The following ARMH4 variants were observed in gnomAD, a reference collection of about 807,000 sequenced individuals.
The protein encoded by ARMH4 is armadillo like helical domain containing 4.
In ARMH4, 49 loss-of-function variants were observed where a neutral mutation model predicts 61.9. That is an observed-to-expected ratio of 0.79 (90% CI 0.63 to 1.00). The LOEUF (loss-of-function observed/expected upper bound fraction) is 1.00. Ranked by LOEUF, ARMH4 falls within the 50% of genes least tolerant of loss-of-function variation. The probability of loss-of-function intolerance (pLI) is 0.00; values close to 1 mark genes in which losing one functional copy is unlikely to be tolerated. For missense variants in ARMH4, 934 were observed against 930.0 expected (o/e 1.00, Z -0.06); for synonymous variants, 368 against 341.5 (o/e 1.08, Z -0.85).
rs1882094844 is a variant in ARMH4 at position 58,004,697 on chromosome 14, G to A, written c.*39C>T. On this transcript the variant is annotated 3_prime_UTR_variant, in exon 8 of 8. Coordinates refer to ENST00000267485, the MANE Select transcript of ARMH4 (RefSeq NM_001001872.4). ...CTGCTCCAAAATAAAAATTAGAATA[G>A]TAGCATCGTTGAATATCCCAATTAA... is the stretch of plus-strand genomic sequence containing the variant. 1 of 1,458,070 alleles carries A rather than the reference G, an allele frequency of 6.9e-7. No individual in the cohort carries two copies. Among genetic ancestry groups the A allele is most frequent in the Non-Finnish European group, 9.5e-7 (1 of 1,052,162 alleles). 90.3% of individuals were successfully genotyped at this position (1,458,070 alleles called of 1,614,324 possible).
chr14:58,049,020 G>A (rs747788542), intron 5 of ARMH4, among the ~76,000 whole-genome samples: 11 of 152,068 alleles, frequency 7.2e-5, no homozygotes, highest in African/African-American at 1.2e-4. Context: ...GGCGGATCAT[G>A]AGGTCAGGAG....
intron 6 of ARMH4, among the ~76,000 whole-genome samples, chr14:58,011,394 C>T (rs1022418275): frequency 1.9e-4 from 29 of 152,016 alleles, no homozygotes; most frequent in Non-Finnish European, 3.1e-4. Flanking sequence ...GAATTGAAGG[C>T]AACTCAATAT....
chr14:58,084,484 G>T (rs1356997255), intron 5 of ARMH4, among the ~76,000 whole-genome samples: 1 of 152,200 alleles, frequency 6.6e-6, no homozygotes, highest in African/African-American at 2.4e-5. Flanking sequence ...CCAGGTGGTA[G>T]TTCACCCAAT....
chr14:58,029,631 T>C (rs946610451), intron 5 of ARMH4, among the ~76,000 whole-genome samples: 1 of 151,852 alleles, frequency 6.6e-6, no homozygotes, highest in Non-Finnish European at 1.5e-5. Flanking sequence ...ATTAGGGAAA[T>C]GCAAATCAAA....
intron 5 of ARMH4, among the ~76,000 whole-genome samples, chr14:58,029,036 AC>A (rs528485010): frequency 7.5e-4 from 114 of 151,706 alleles, no homozygotes; most frequent in Admixed American, 3.5e-3. Flanking sequence ...TTTTATCAAC[AC>A]CCCCCCTCCA....
chr14:58,016,491 G>T (rs1472843625), intron 5 of ARMH4, among the ~76,000 whole-genome samples: 4 of 152,020 alleles, frequency 2.6e-5, no homozygotes, highest in Non-Finnish European at 5.9e-5. Flanking sequence ...TAGAATTATC[G>T]ATGATTTGTC....
chr14:58,017,024 G>A (rs1882638022), intron 5 of ARMH4, among the ~76,000 whole-genome samples: 1 of 152,152 alleles, frequency 6.6e-6, no homozygotes, highest in Admixed American at 6.5e-5. Flanking sequence ...AATTATAAAG[G>A]AAGAACTTTG....
At chr14:58,090,479 C>T (rs983891552) in intron 5 of ARMH4, among the ~76,000 whole-genome samples, 10 of 152,230 alleles carry the variant, frequency 6.6e-5, no homozygotes, top group East Asian at 5.8e-4. Flanking sequence ...ATCACATTCT[C>T]CTTGCCAACA....
At chr14:58,140,339 A>G (rs1887491869) in intron 1 of ARMH4, among the ~76,000 whole-genome samples, 1 of 148,396 alleles carries the variant, frequency 6.7e-6, no homozygotes, top group East Asian at 2.0e-4. Context: ...CCAGCACTTT[A>G]GGAGGCCGAG....
intron 5 of ARMH4, among the ~76,000 whole-genome samples, chr14:58,045,054 C>T (rs768216192): frequency 6.6e-5 from 10 of 152,146 alleles, no homozygotes; most frequent in South Asian, 4.1e-4. Context: ...GACAGTATGG[C>T]GATTCCTCAG....
intron 5 of ARMH4, among the ~76,000 whole-genome samples, chr14:58,021,182 G>A (rs370646908): frequency 9.2e-5 from 14 of 152,294 alleles, no homozygotes; most frequent in African/African-American, 2.4e-4. Context: ...AATGCGATAC[G>A]GTCTGGCTGT....
intron 6 of ARMH4, among the ~76,000 whole-genome samples, chr14:58,008,775 T>C (rs1480276302): frequency 6.6e-6 from 1 of 152,228 alleles, no homozygotes; most frequent in East Asian, 1.9e-4. Context: ...CTCCAGGTGA[T>C]GCTGATGCTG....
chr14:58,064,290 A>C (rs1215371691), intron 5 of ARMH4, among the ~76,000 whole-genome samples: 1 of 152,242 alleles, frequency 6.6e-6, no homozygotes, highest in Non-Finnish European at 1.5e-5. Context: ...CCTATAAAGA[A>C]TAAGCAGAAG....
intron 3 of ARMH4, among the ~76,000 whole-genome samples, 181 bp downstream of exon 3, chr14:58,132,909 C>T (rs374288551): frequency 6.6e-5 from 10 of 152,226 alleles, no homozygotes; most frequent in African/African-American, 2.4e-4. Flanking sequence ...TAAGGCTCTG[C>T]CACACCTCTT....
intron 5 of ARMH4, among the ~76,000 whole-genome samples, chr14:58,018,072 C>A (rs60381570): frequency 1.3e-5 from 2 of 151,906 alleles, no homozygotes; most frequent in African/African-American, 4.8e-5. Flanking sequence ...GATATCCACA[C>A]GCAAAAGAAT....
chr14:58,061,353 C>T (rs1019860616), intron 5 of ARMH4, among the ~76,000 whole-genome samples: 3 of 152,192 alleles, frequency 2.0e-5, no homozygotes, highest in African/African-American at 7.2e-5. Flanking sequence ...TAGTCCTCCT[C>T]CTACTAGTGA....
In ARMH4 at chr14:58,116,216, C is replaced by T. The variant is rs531291848; in HGVS notation, c.1831+15296G>A. ...TACTAAATTTCAAATTTTCCACTCA[C>T]TGTAAAATAGTAAATATAATAATTT... On this transcript the variant is annotated intron_variant, in intron 4 of 7. Coordinates refer to ENST00000267485, the MANE Select transcript of ARMH4 (RefSeq NM_001001872.4). 1.3e-3 allele frequency: 193 copies of T among 153,886 alleles called. 1 individual carries two copies. Among genetic ancestry groups the T allele is most frequent in the Admixed American group, 2.0e-3 (31 of 15,346 alleles). The allele number at this position is 153,886 out of a possible 1,614,324, so 9.5% of individuals were successfully genotyped here. A position where few individuals can be genotyped will look rare whatever the true frequency, so the allele number is the denominator to read the frequency against.
intron 6 of ARMH4, among the ~76,000 whole-genome samples, chr14:58,011,782 A>C (rs10151614): frequency 0.39 from 57,056 of 146,332 alleles, 11,656 homozygotes; most frequent in African/African-American, 0.45. Flanking sequence ...AAAAAAAAAA[A>C]CAGATGGAAT....
rs958647537 is a variant in ARMH4 at position 58,003,955 on chromosome 14, C to G, written c.*781G>C. 7 of 152,174 alleles carry G rather than the reference C, an allele frequency of 4.6e-5. No homozygotes were observed. The highest frequency in any genetic ancestry group is 8.8e-5 in the Non-Finnish European group (6 of 68,022). The allele number at this position is 152,174 out of a possible 1,614,324, so 9.4% of individuals were successfully genotyped here. ...CTTCATTTTTTCTCGGCAAAATCAA[C>G]TAGCACACAAAAAGAATATCTCTTA... On this transcript the variant is annotated 3_prime_UTR_variant, in exon 8 of 8. Coordinates refer to ENST00000267485, the MANE Select transcript of ARMH4 (RefSeq NM_001001872.4).
Sources: gnomAD v4.1 joint callset for allele counts (sites outside exome capture counted in the v4.1 genomes callset) on GRCh38, gnomAD v4.1.1 for gene constraint, MANE v1.5 for transcripts, NCBI Gene and HGNC (gene_info 2026-07-23, HGNC 2026-07-21) for gene names.